Variants in GARRE1 observed in about 807,000 individuals in gnomAD.
GARRE1 encodes granule associated Rac and RHOG effector protein 1.
A neutral mutation model predicts 103.2 loss-of-function variants in GARRE1; 49 were observed. That is an observed-to-expected ratio of 0.47 (90% CI 0.38 to 0.60). GARRE1 has a LOEUF of 0.60. Ranked by LOEUF, GARRE1 falls within the 20% of genes least tolerant of loss-of-function variation. The pLI, the probability that GARRE1 is intolerant of heterozygous loss-of-function variation, is 0.00. For missense variants in GARRE1, 1,199 were observed against 1,370.5 expected (o/e 0.87, Z 1.98); for synonymous variants, 505 against 532.8 (o/e 0.95, Z 0.72).
chr19:34,272,686 T>C (rs2073794851), intron 1 of GARRE1, among the ~76,000 whole-genome samples: 1 of 152,208 alleles, frequency 6.6e-6, no homozygotes, highest in Admixed American at 6.5e-5. Context: ...GCTGGAAGCC[T>C]TAACCATCTT....
chr19:34,344,359 G>C (rs1041642270), intron 10 of GARRE1, among the ~76,000 whole-genome samples: 6 of 152,116 alleles, frequency 3.9e-5, no homozygotes, highest in Non-Finnish European at 8.8e-5. Context: ...GGGAGGCCGA[G>C]GCGGGCGGAT....
intron 2 of GARRE1, among the ~76,000 whole-genome samples, chr19:34,310,612 C>G (rs181050087): frequency 7.2e-4 from 109 of 152,306 alleles, no homozygotes; most frequent in Middle Eastern, 3.4e-3. Flanking sequence ...GCTGAGCCAC[C>G]CACCCTCCTC....
intron 1 of GARRE1, among the ~76,000 whole-genome samples, chr19:34,269,341 A>T (rs1472582445): frequency 6.6e-6 from 1 of 152,266 alleles, no homozygotes; most frequent in East Asian, 1.9e-4. Flanking sequence ...CTGGAGCCTC[A>T]CAGGGTTGAC....
intron 1 of GARRE1, among the ~76,000 whole-genome samples, chr19:34,264,818 G>A (rs10418017): frequency 6.6e-6 from 1 of 152,108 alleles, no homozygotes; most frequent in Non-Finnish European, 1.5e-5. Flanking sequence ...GTTTGGAATG[G>A]CTATGAGGTG....
rs149523787 is a variant in GARRE1, at chr19:34,312,378, A to G, written c.496-7529A>G. Among the ~76,000 whole-genome samples, 15 of 152,312 alleles carry G rather than the reference A, an allele frequency of 9.8e-5. No individual in the cohort carries two copies. In the East Asian group the frequency reaches 1.5e-3, roughly 16 times the overall value. ...ACACTTACATTGTTGTGCAAGCATC[A>G]CCATCATCCATCTCTAGAACTTTCT... On this transcript the variant is annotated intron_variant, in intron 2 of 13. Transcript: ENST00000299505.
chr19:34,272,253 G>A (rs1447488337), intron 1 of GARRE1, among the ~76,000 whole-genome samples: 1 of 152,146 alleles, frequency 6.6e-6, no homozygotes, highest in Non-Finnish European at 1.5e-5. Context: ...TTGCTCTGTT[G>A]CCCAGGCTGG....
intron 2 of GARRE1, among the ~76,000 whole-genome samples, chr19:34,305,190 A>C (rs915639068): frequency 2.0e-5 from 3 of 152,294 alleles, no homozygotes; most frequent in African/African-American, 7.2e-5. Context: ...TTCCTTTAGC[A>C]CCTCATTCCT....
chr19:34,309,271 C>A (rs571840432), intron 2 of GARRE1, among the ~76,000 whole-genome samples: 52 of 152,248 alleles, frequency 3.4e-4, no homozygotes, highest in Non-Finnish European at 6.5e-4. Flanking sequence ...AGAAATTACA[C>A]AGAATGTACT....
At chr19:34,328,549 A>G (rs937506796) in intron 6 of GARRE1, among the ~76,000 whole-genome samples, 3 of 152,028 alleles carry the variant, frequency 2.0e-5, no homozygotes, top group Admixed American at 1.3e-4. Flanking sequence ...AAAAAAATTA[A>G]AAAGCAGACC....
At chr19:34,313,957 C>G (rs569779667) in intron 2 of GARRE1, among the ~76,000 whole-genome samples, 2 of 152,104 alleles carry the variant, frequency 1.3e-5, no homozygotes, top group Non-Finnish European at 2.9e-5. Context: ...TGCACCACCA[C>G]GCCCGGCTGA....
At chr19:34,348,355 G>A (rs1339444379) in intron 11 of GARRE1, 8 of 241,016 alleles carry the variant, frequency 3.3e-5, no homozygotes, top group South Asian at 1.7e-4. Flanking sequence ...TGTTTCACAC[G>A]GCCTTTATAC....
chr19:34,298,570 A>G (rs1026216524), intron 1 of GARRE1, among the ~76,000 whole-genome samples: 1 of 151,896 alleles, frequency 6.6e-6, no homozygotes, highest in Non-Finnish European at 1.5e-5. Flanking sequence ...AAAATTAGCC[A>G]GGCATGGTGG....
intron 8 of GARRE1, among the ~76,000 whole-genome samples, chr19:34,334,268 T>A (rs1238489659): frequency 6.6e-6 from 1 of 152,192 alleles, no homozygotes; most frequent in Non-Finnish European, 1.5e-5. Context: ...ATATTATATT[T>A]GTAACACTTA....
intron 12 of GARRE1, among the ~76,000 whole-genome samples, chr19:34,350,542 T>G (rs1484855889): frequency 6.6e-6 from 1 of 152,216 alleles, no homozygotes; most frequent in Non-Finnish European, 1.5e-5. Flanking sequence ...ACGAATGGGC[T>G]TTAAGTCACA....
At chr19:34,348,142 G>C in intron 11 of GARRE1, 100 bp downstream of exon 11, 1 of 1,075,774 alleles carries the variant, frequency 9.3e-7, no homozygotes, top group South Asian at 2.9e-5. Context: ...ATTCTTTTCA[G>C]GCAGTTCAAT....
intron 1 of GARRE1, among the ~76,000 whole-genome samples, chr19:34,255,280 G>C (rs927499096): frequency 6.6e-5 from 10 of 152,234 alleles, no homozygotes; most frequent in Admixed American, 1.3e-4. Flanking sequence ...TCTGCGCCGC[G>C]CGGTGCGAGG....
intron 1 of GARRE1, among the ~76,000 whole-genome samples, chr19:34,299,303 T>C (rs1431599758): frequency 6.6e-6 from 1 of 152,186 alleles, no homozygotes; most frequent in Non-Finnish European, 1.5e-5. Context: ...AGTTTATGAG[T>C]GCTGTGTGTG....
At chr19:34,322,961 G>A (rs992894806) in intron 3 of GARRE1, among the ~76,000 whole-genome samples, 2 of 148,850 alleles carry the variant, frequency 1.3e-5, no homozygotes, top group Non-Finnish European at 3.0e-5. Context: ...GCAATATAGT[G>A]ATTCATTAAA....
chr19:34,317,791 G>A (rs1324933937), intron 2 of GARRE1, among the ~76,000 whole-genome samples: 2 of 152,206 alleles, frequency 1.3e-5, no homozygotes, highest in Non-Finnish European at 2.9e-5. Context: ...GATTGAATGC[G>A]CTAGCCCATG....
Sources: gnomAD v4.1 joint callset for allele counts (sites outside exome capture counted in the v4.1 genomes callset) on GRCh38, gnomAD v4.1.1 for gene constraint, MANE v1.5 for transcripts, NCBI Gene and HGNC (gene_info 2026-07-23, HGNC 2026-07-21) for gene names.